PES1: variants seen among roughly 807,000 people sequenced by gnomAD.
The protein encoded by PES1 is pescadillo homolog.
A neutral mutation model predicts 77.1 loss-of-function variants in PES1; 31 were observed. The ratio of observed to expected loss-of-function variants is 0.40; its 90% CI spans 0.30 to 0.54. PES1 has a LOEUF of 0.54. PES1 is among the 20% of genes least tolerant of loss of function. The probability of loss-of-function intolerance (pLI) is 0.45; values close to 1 mark genes in which losing one functional copy is unlikely to be tolerated. For missense variants in PES1, 658 were observed against 771.7 expected, an observed-to-expected ratio of 0.85 and a Z score of 1.75; for synonymous variants, 282 against 303.0, an observed-to-expected ratio of 0.93 and a Z score of 0.72.
chr22:30,581,579 G>C lies in PES1; in HGVS notation c.696C>G (p.Gly232=). ...ACTGGTAAAGGCGGAAGTTGACAAA[G>C]CCCAGCAGCGTGGTGTAGAACTCGG... is the stretch of plus-strand genomic sequence containing the variant. ...TFTEFYTTLL[G]FVNFRLYQLL... is the part of the protein sequence containing the mutation. The change falls in exon 7 of 15, where the codon GGC becomes GGG. Residue 232 remains glycine, a synonymous_variant. Transcript: ENST00000354694. 2 of 1,613,870 alleles carry C rather than the reference G, an allele frequency of 1.2e-6. No individual in the cohort carries two copies. The highest frequency in any genetic ancestry group is 1.3e-5 in the African/African-American group (1 of 75,062).
chr22:30,590,297 C>T lies in PES1; in HGVS notation c.25-1027G>A, dbSNP rs186618081. 1.3e-4 allele frequency among the ~76,000 whole-genome samples: 20 copies of T among 152,342 alleles called. 1 individual carries two copies. The highest frequency in any genetic ancestry group is 1.3e-3 in the Admixed American group (20 of 15,306). On this transcript the variant is annotated intron_variant, in intron 1 of 14. Coordinates refer to ENST00000354694, the MANE Select transcript of PES1 (RefSeq NM_014303.4). ...CAATCAGTGCACTGTAACAAATACC[C>T]TGCAAGCTAACAAGCATGTCGTTTC... is the stretch of plus-strand genomic sequence containing the variant.
Position 30,588,159 on chromosome 22 carries a change from C to T in PES1, c.120G>A (p.Leu40=), listed in dbSNP as rs183098858. The change falls in exon 3 of 15, where the codon CTG becomes CTA. Residue 40 remains leucine (L), a synonymous_variant. Coordinates refer to ENST00000354694, the MANE Select transcript of PES1 (RefSeq NM_014303.4). ...SLADFRRLCI[L]KGIYPHEPKH... is the part of the protein sequence containing the mutation. ...TGGGTTCATGGGGATAAATGCCCTT[C>T]AGAATGCACAGCCGCCTGGAAGACA... is the stretch of plus-strand genomic sequence containing the variant. 3 of 1,614,186 alleles carry T rather than the reference C, an allele frequency of 1.9e-6. No individual in the cohort carries two copies. In the Admixed American group the frequency reaches 5.0e-5, roughly 27 times the overall value.
intron 2 of PES1, among the ~76,000 whole-genome samples, chr22:30,604,773 A>G (rs909752684): frequency 6.6e-6 from 1 of 152,064 alleles, no homozygotes; most frequent in Admixed American, 6.6e-5. Flanking sequence ...GCTAGTTTTC[A>G]CCACAAATAG....
exon 1 of PES1, chr22:30,606,856 G>GGT: frequency 9.8e-7 from 1 of 1,023,378 alleles, no homozygotes; most frequent in Non-Finnish European, 1.2e-6. Context: ...TCCTGGGCTA[G>GGT]GTGGGCACTA....
chr22:30,603,085 ATT>A (rs1430202717), intron 2 of PES1, among the ~76,000 whole-genome samples: 1 of 151,782 alleles, frequency 6.6e-6, no homozygotes, highest in Non-Finnish European at 1.5e-5. Context: ...TAATTTTTGT[ATT>A]TTTAGTAGAG....
chr22:30,590,978 A>C (rs1313721559), intron 1 of PES1, among the ~76,000 whole-genome samples: 1 of 152,292 alleles, frequency 6.6e-6, no homozygotes, highest in African/African-American at 2.4e-5. Flanking sequence ...GGCAATAGAA[A>C]CTTTCACTCT....
Position 30,579,322 on chromosome 22 carries a change from C to T in PES1, c.1355-19G>A, listed in dbSNP as rs112104033. On this transcript the variant is annotated intron_variant, in intron 12 of 14. Transcript: ENST00000354694. ...AGGTTTCCTAGAGAAAGCCAATGTC[C>T]TCTGAATGCCCTGGGAATCTACTGT... 2.3e-5 allele frequency: 37 copies of T among 1,599,702 alleles called. No homozygotes were observed. In the African/African-American group the frequency reaches 4.1e-4, roughly 18 times the overall value.
In PES1 at chr22:30,584,701, C is replaced by G. The variant is rs376323018; in HGVS notation, c.385G>C (p.Asp129His). 2 of 1,613,734 alleles carry G rather than the reference C, an allele frequency of 1.2e-6. No individual in the cohort carries two copies. Among genetic ancestry groups the G allele is most frequent in the Non-Finnish European group, 1.7e-6 (2 of 1,180,018 alleles). Residue 129 changes from aspartate (D) to histidine (H), a missense_variant, in exon 5 of 15, where the codon GAT (aspartate) becomes CAT (histidine). Coordinates refer to ENST00000354694, the MANE Select transcript of PES1 (RefSeq NM_014303.4). Reference protein sequence around the residue: ...IIKERYPTFIDALRDLDDALS... With the variant: ...IIKERYPTFIHALRDLDDALS... Reference sequence around the variant, plus strand: ...GCATCGTCCAGGTCCCGCAGGGCATCGATGAACGTGGGATACCTGCATGGC... The same window carrying G: ...GCATCGTCCAGGTCCCGCAGGGCATGGATGAACGTGGGATACCTGCATGGC...
intron 2 of PES1, chr22:30,601,786 T>C (rs1602031931): frequency 1.3e-5 from 2 of 152,060 alleles, no homozygotes; most frequent in Admixed American, 6.5e-5. Flanking sequence ...TTTTTTTTTT[T>C]TTTCCAGACA....
intron 9 of PES1, 149 bp from the exon 10 acceptor site, chr22:30,580,850 T>C: frequency 7.7e-6 from 10 of 1,300,594 alleles, no homozygotes; most frequent in South Asian, 6.6e-5. Flanking sequence ...CTGAGCTCTG[T>C]TGCCTCCTAT....
chr22:30,596,927 C>T (rs555182200), intron 2 of PES1, among the ~76,000 whole-genome samples: 15 of 150,362 alleles, frequency 1.0e-4, no homozygotes, highest in African/African-American at 3.4e-4. Flanking sequence ...TAAGGGTGGG[C>T]GTGAGCTTGG....
Position 30,576,894 on chromosome 22 carries a change from C to T in PES1, c.*152G>A, listed in dbSNP as rs1432593893. On this transcript the variant is annotated 3_prime_UTR_variant, in exon 15 of 15. Coordinates refer to ENST00000354694, the MANE Select transcript of PES1 (RefSeq NM_014303.4). The stretch of plus-strand genomic sequence containing the variant: ...ATCCAAGGGAAGCGAGGGCTGCCCA[C>T]TGGCCCAGCCAGAGAGCATGAGGGG... 1 of 679,700 alleles carries T rather than the reference C, an allele frequency of 1.5e-6. No individual in the cohort carries two copies. Among genetic ancestry groups the T allele is most frequent in the Admixed American group, 2.5e-5 (1 of 40,560 alleles). The allele number at this position is 679,700 out of a possible 1,614,324, so 42.1% of individuals were successfully genotyped here. A position where few individuals can be genotyped will look rare whatever the true frequency, so the allele number is the denominator to read the frequency against.
intron 6 of PES1, 29 bp from the exon 7 acceptor site, chr22:30,581,673 T>C (rs2086990934): frequency 6.7e-7 from 1 of 1,502,900 alleles, no homozygotes; most frequent in African/African-American, 1.4e-5. Flanking sequence ...GCATGAGCAG[T>C]GTGGGTGCAG....
In PES1 at chr22:30,596,928, G is replaced by A. The variant is rs373144418; in HGVS notation, c.-660-4530C>T. Among the ~76,000 whole-genome samples, 11 of 152,334 alleles carry A rather than the reference G, an allele frequency of 7.2e-5. No homozygotes were observed. The East Asian group carries it at 7.7e-4, about 11-fold the overall frequency. ...GGGCCAGCTAGAGTTAAGGGTGGGC[G>A]TGAGCTTGGCGGGCCCGCACTCGGA... On this transcript the variant is annotated intron_variant, in intron 2 of 16. Coordinates refer to the PES1 transcript ENST00000402281.
intron 13 of PES1, 23 bp downstream of exon 13, chr22:30,579,114 C>A (rs1000227099): frequency 6.2e-7 from 1 of 1,606,948 alleles, no homozygotes. Context: ...CCAGGCCAAG[C>A]CCCGCATTGC....
At chr22:30,577,308 A>G (rs976882152) in intron 14 of PES1, among the ~76,000 whole-genome samples, 179 bp from the exon 15 acceptor site, 2 of 152,228 alleles carry the variant, frequency 1.3e-5, no homozygotes, top group African/African-American at 4.8e-5. Flanking sequence ...CCCTGCTTTA[A>G]CAACATTATT....
chr22:30,595,538 C>CAAAA (rs377364940), upstream of PES1, among the ~76,000 whole-genome samples: 3 of 80,698 alleles, frequency 3.7e-5, no homozygotes, highest in East Asian at 5.4e-4. Flanking sequence ...GACAGTGTCT[C>CAAAA]AAAAAAAAAA....
exon 2 of PES1, chr22:30,605,466 G>A: frequency 1.0e-6 from 1 of 985,402 alleles, no homozygotes; most frequent in South Asian, 4.7e-5. Flanking sequence ...CTCACCAGAG[G>A]CTGACGATAA....
chr22:30,582,220 G>A (rs2086999575), intron 6 of PES1, among the ~76,000 whole-genome samples: 1 of 152,222 alleles, frequency 6.6e-6, no homozygotes. Flanking sequence ...GGGGGCGGGG[G>A]AAGCATGGGG....
Sources: allele counts gnomAD v4.1 joint callset (sites outside exome capture counted in the v4.1 genomes callset), GRCh38; gene constraint gnomAD v4.1.1; transcripts MANE v1.5; gene names NCBI Gene and HGNC (gene_info 2026-07-23, HGNC 2026-07-21).